The following FBLIM1 variants were observed in gnomAD, a reference collection of about 807,000 sequenced individuals.
The protein encoded by FBLIM1 is filamin binding LIM protein 1.
Under a neutral mutation model 37.4 loss-of-function variants are expected in FBLIM1, and 29 were observed. The ratio of observed to expected loss-of-function variants is 0.77; its 90% CI spans 0.58 to 1.06. The LOEUF (loss-of-function observed/expected upper bound fraction) is 1.06. Among genes scored for constraint, FBLIM1 ranks in the 50% least tolerant of loss-of-function variants. The pLI, the probability that FBLIM1 is intolerant of heterozygous loss-of-function variation, is 0.00. For synonymous variants in FBLIM1, 193 were observed against 199.0 expected, an observed-to-expected ratio of 0.97 and a Z score of 0.25; for missense variants, 449 against 505.6, an observed-to-expected ratio of 0.89 and a Z score of 1.07.
chr1:15,757,225 T>A (rs1400992416), upstream of FBLIM1, among the ~76,000 whole-genome samples: 4 of 152,186 alleles, frequency 2.6e-5, no homozygotes, highest in African/African-American at 9.7e-5. The surrounding 1 kb of genome is among the most constrained non-coding windows in gnomAD (Gnocchi z 4.1). Flanking sequence ...CTTCCGATTC[T>A]GTAAAGGATG....
intron 7 of FBLIM1, 64 bp downstream of exon 7, chr1:15,774,860 G>A: frequency 6.2e-7 from 1 of 1,613,686 alleles, no homozygotes; most frequent in Non-Finnish European, 8.5e-7. Context: ...GCAGGGTGAA[G>A]GAGCTGAGCT....
intron 4 of FBLIM1, 125 bp downstream of exon 4, chr1:15,767,688 G>T: frequency 2.0e-6 from 1 of 496,504 alleles, no homozygotes; most frequent in Non-Finnish European, 3.6e-6. Context: ...CTTCTGCTCG[G>T]GGGCAGTCCC....
chr1:15,784,348 T>C (rs1247944649), intron 8 of FBLIM1, among the ~76,000 whole-genome samples, 200 bp from the exon 9 acceptor site: 2 of 152,168 alleles, frequency 1.3e-5, no homozygotes, highest in Admixed American at 1.3e-4. Flanking sequence ...AAAGCCTCCA[T>C]GTGTGTCTGT....
intron 7 of FBLIM1, among the ~76,000 whole-genome samples, chr1:15,776,142 G>A (rs2148628976): frequency 6.6e-6 from 1 of 152,250 alleles, no homozygotes; most frequent in African/African-American, 2.4e-5. Flanking sequence ...ATGGGGCCGG[G>A]CGCGGTAGCT....
intron 7 of FBLIM1, chr1:15,775,126 A>T: frequency 2.5e-6 from 1 of 399,676 alleles, no homozygotes; most frequent in Admixed American, 3.9e-5. Context: ...AGGCTGAGGC[A>T]GGAGAATGGC....
At chr1:15,763,591 G>A (rs2068781065) in intron 1 of FBLIM1, among the ~76,000 whole-genome samples, 1 of 151,282 alleles carries the variant, frequency 6.6e-6, no homozygotes. Flanking sequence ...AGCCAAGATC[G>A]TGCCACTGCA....
chr1:15,771,371 T>C (rs2069201069), intron 6 of FBLIM1, among the ~76,000 whole-genome samples: 1 of 151,292 alleles, frequency 6.6e-6, no homozygotes, highest in South Asian at 2.1e-4. Context: ...CTCAGCCTCC[T>C]GAGTAGCTGG....
chr1:15,782,903 A>G (rs1268316112), intron 8 of FBLIM1, among the ~76,000 whole-genome samples: 1 of 151,254 alleles, frequency 6.6e-6, no homozygotes, highest in Non-Finnish European at 1.5e-5. Context: ...GGTTCAAACA[A>G]TTCTGTCTCA....
At chr1:15,774,979 G>A in intron 7 of FBLIM1, 183 bp downstream of exon 7, 1 of 1,323,416 alleles carries the variant, frequency 7.6e-7, no homozygotes, top group Non-Finnish European at 1.0e-6. Context: ...AGCACTTTGG[G>A]AGGCCGAGGC....
rs1166073074 is a variant in FBLIM1 at position 15,774,611 on chromosome 1, G to A, written c.712-7G>A. On this transcript the variant is annotated splice_region_variant and splice_polypyrimidine_tract_variant and intron_variant, in intron 6 of 8. Transcript: ENST00000375766. ...GTGGATGGTTCTGGCAGTGGCCTCTGTCCTAGGACACACTGGAGAGGTGCG... is the reference window on the plus strand; with the variant it reads ...GTGGATGGTTCTGGCAGTGGCCTCTATCCTAGGACACACTGGAGAGGTGCG... 3.1e-6 allele frequency: 5 copies of A among 1,610,692 alleles called. No homozygotes were observed. The highest frequency in any genetic ancestry group is 2.2e-5 in the East Asian group (1 of 44,876).
chr1:15,768,384 T>TA (rs1247332552), intron 4 of FBLIM1, 144 bp from the exon 5 acceptor site: 2 of 523,522 alleles, frequency 3.8e-6, no homozygotes, highest in Admixed American at 4.0e-5. Flanking sequence ...CTGAGAGACT[T>TA]ACGCAGGTCC....
intron 6 of FBLIM1, among the ~76,000 whole-genome samples, chr1:15,773,557 G>A (rs763995886): frequency 6.6e-6 from 1 of 151,568 alleles, no homozygotes; most frequent in Non-Finnish European, 1.5e-5. Context: ...GCGCATGCCT[G>A]TAATCCCACC....
At chr1:15,779,492 G>A (rs1040969523) in intron 8 of FBLIM1, among the ~76,000 whole-genome samples, 1 of 150,762 alleles carries the variant, frequency 6.6e-6, no homozygotes, top group South Asian at 2.1e-4. Flanking sequence ...TAGTAGAGAT[G>A]AGATTTCACC....
intron 4 of FBLIM1, 97 bp from the exon 5 acceptor site, chr1:15,768,431 A>G (rs965788964): frequency 1.4e-5 from 11 of 775,254 alleles, no homozygotes; most frequent in African/African-American, 1.8e-5. Context: ...TCTCGGTACA[A>G]TGCGGCTAAT....
At chr1:15,775,402 G>A (rs1210370401) in intron 7 of FBLIM1, among the ~76,000 whole-genome samples, 1 of 151,608 alleles carries the variant, frequency 6.6e-6, no homozygotes, top group African/African-American at 2.4e-5. Flanking sequence ...GAGCATGGTG[G>A]TGTGTGCCTG....
Position 15,784,823 on chromosome 1 carries a change from C to A in FBLIM1, c.*162C>A. The A allele has an allele frequency of 3.7e-6, 2 of 547,600 alleles. No individual in the cohort carries two copies. Among genetic ancestry groups the A allele is most frequent in the Admixed American group, 6.0e-5 (2 of 33,142 alleles). 33.9% of individuals were successfully genotyped at this position (547,600 alleles called of 1,614,324 possible). On this transcript the variant is annotated 3_prime_UTR_variant, in exon 9 of 9. Transcript: ENST00000375766. ...GTCCAGGATACAGTGGGGCTGAGCA[C>A]CCCCAGGCCTTCCACTCCTCTACCC... is the stretch of plus-strand genomic sequence containing the variant.
intron 8 of FBLIM1, 132 bp downstream of exon 8, chr1:15,777,419 C>T: frequency 3.4e-6 from 2 of 592,382 alleles, no homozygotes; most frequent in Non-Finnish European, 6.0e-6. Flanking sequence ...GTAGGAGAAA[C>T]AAAAGATACT....
At chr1:15,762,407 C>G (rs561830106) in intron 1 of FBLIM1, among the ~76,000 whole-genome samples, 2 of 151,900 alleles carry the variant, frequency 1.3e-5, no homozygotes, top group African/African-American at 4.8e-5. Flanking sequence ...AGATAACAGG[C>G]GTCTGCCACC....
chr1:15,774,954 C>A (rs1206728684), intron 7 of FBLIM1, 158 bp downstream of exon 7: 10 of 1,495,714 alleles, frequency 6.7e-6, no homozygotes, highest in Non-Finnish European at 9.0e-6. Flanking sequence ...CGCGGTGGCT[C>A]ACGCCTGTAA....
Sources: gnomAD v4.1 joint callset for allele counts (sites outside exome capture counted in the v4.1 genomes callset) on GRCh38, gnomAD v4.1.1 for gene constraint, Gnocchi (gnomAD v3.1) non-coding constraint, MANE v1.5 for transcripts, NCBI Gene and HGNC (gene_info 2026-07-23, HGNC 2026-07-21) for gene names.